TMEM132D: variants seen among roughly 807,000 people sequenced by gnomAD.
TMEM132D encodes transmembrane protein 132D, also known as mature OL transmembrane protein.
TMEM132D carries 21 observed loss-of-function variants against 62.3 expected under a neutral mutation model. That is an observed-to-expected ratio of 0.34 (90% CI 0.24 to 0.49). The LOEUF is 0.49. Among genes scored for constraint, TMEM132D ranks in the 20% least tolerant of loss-of-function variants. The pLI is 0.99. For missense variants in TMEM132D, 1,346 were observed against 1,402.8 expected (o/e 0.96, Z 0.65); for synonymous variants, 621 against 575.6 (o/e 1.08, Z -1.13).
intron 5 of TMEM132D, among the ~76,000 whole-genome samples, chr12:129,154,710 G>T (rs569376771): frequency 3.3e-4 from 50 of 152,202 alleles, no homozygotes; most frequent in African/African-American, 1.0e-3. Context: ...CAACCACTTG[G>T]TTCCTTTTCT....
chr12:129,339,092 A>G (rs1489163610), intron 3 of TMEM132D, among the ~76,000 whole-genome samples: 1 of 152,124 alleles, frequency 6.6e-6, no homozygotes, highest in Non-Finnish European at 1.5e-5. Context: ...CCAACAGGGC[A>G]AAACTCTATC....
At chr12:129,339,334 A>G (rs71464437) in intron 3 of TMEM132D, among the ~76,000 whole-genome samples, 19,990 of 149,276 alleles carry the variant, frequency 0.13, 1,742 homozygotes, top group Non-Finnish European at 0.2. Context: ...AAGAAAGAGG[A>G]GGGGAAGGAG....
At chr12:129,293,588 G>T (rs1405989495) in intron 4 of TMEM132D, among the ~76,000 whole-genome samples, 1 of 152,154 alleles carries the variant, frequency 6.6e-6, no homozygotes, top group Non-Finnish European at 1.5e-5. Context: ...AGGAGTGGGA[G>T]CCCTGAGCTT....
At chr12:129,108,350 G>T (rs773525431) in intron 5 of TMEM132D, among the ~76,000 whole-genome samples, 3 of 152,192 alleles carry the variant, frequency 2.0e-5, no homozygotes, top group Admixed American at 6.5e-5. Flanking sequence ...GATTTTGGCA[G>T]GTGGGGCCGA....
In TMEM132D at chr12:129,341,779, T is replaced by C. The variant is rs560999099; in HGVS notation, c.1116-3962A>G. On this transcript the variant is annotated intron_variant, in intron 3 of 8. Transcript: ENST00000422113. ...AATCACAAGCATTCTTATACACCAATAACAGACAAACAGAGAGCCAAATCA... is the reference window on the plus strand; with the variant it reads ...AATCACAAGCATTCTTATACACCAACAACAGACAAACAGAGAGCCAAATCA... Among the ~76,000 whole-genome samples the C allele has an allele frequency of 1.5e-3, 222 of 145,030 alleles. 1 individual carries two copies. The highest frequency in any genetic ancestry group is 5.5e-3 in the African/African-American group (217 of 39,306).
chr12:129,531,045 C>T lies in TMEM132D; in HGVS notation c.1115+14G>A. 1 of 1,603,746 alleles carries T rather than the reference C, an allele frequency of 6.2e-7. No homozygotes were observed. Among genetic ancestry groups the T allele is most frequent in the East Asian group, 2.2e-5 (1 of 44,678 alleles). On this transcript the variant is annotated intron_variant, in intron 3 of 8. Coordinates refer to ENST00000422113, the MANE Select transcript of TMEM132D (RefSeq NM_133448.3). ...CAGCTGATCTGAATATATCGGAGGC[C>T]AGTTGGGACTCACCTGTTTTCTGAG...
intron 3 of TMEM132D, among the ~76,000 whole-genome samples, chr12:129,409,816 C>A (rs116909598): frequency 1.3e-5 from 2 of 152,328 alleles, no homozygotes; most frequent in Non-Finnish European, 2.9e-5. Flanking sequence ...TACCTCTGAT[C>A]TGCATAATCT....
intron 4 of TMEM132D, among the ~76,000 whole-genome samples, chr12:129,302,116 A>ATT (rs1452852809): frequency 6.6e-5 from 10 of 152,154 alleles, no homozygotes; most frequent in Middle Eastern, 3.4e-3. Context: ...CTGCCACTTT[A>ATT]TTTTTTTATT....
intron 1 of TMEM132D, among the ~76,000 whole-genome samples, chr12:129,822,162 G>A (rs1872556125): frequency 1.3e-5 from 2 of 152,232 alleles, no homozygotes; most frequent in African/African-American, 4.8e-5. Flanking sequence ...GTCAGCCATG[G>A]AGAGGGTGAC....
chr12:129,738,404 A>G (rs1002195198), intron 1 of TMEM132D, among the ~76,000 whole-genome samples: 1 of 152,296 alleles, frequency 6.6e-6, no homozygotes, highest in East Asian at 1.9e-4. Context: ...GAAAAGGAAA[A>G]AAGGAAGAAA....
chr12:129,758,667 G>A (rs1870249964), intron 1 of TMEM132D, among the ~76,000 whole-genome samples: 1 of 152,118 alleles, frequency 6.6e-6, no homozygotes, highest in South Asian at 2.1e-4. Context: ...TATGAAATTT[G>A]GCAGCTTCTG....
At chr12:129,229,582 C>T (rs1284333909) in intron 4 of TMEM132D, among the ~76,000 whole-genome samples, 1 of 152,174 alleles carries the variant, frequency 6.6e-6, no homozygotes, top group Non-Finnish European at 1.5e-5. Flanking sequence ...ACAGAATTTT[C>T]TGTAGGCTGG....
At chr12:129,730,803 G>A (rs570483934) in intron 1 of TMEM132D, among the ~76,000 whole-genome samples, 26 of 152,062 alleles carry the variant, frequency 1.7e-4, no homozygotes, top group Admixed American at 3.9e-4. Flanking sequence ...TCTTTCTCCC[G>A]TGCTGGATGC....
intron 3 of TMEM132D, among the ~76,000 whole-genome samples, chr12:129,352,924 G>T (rs1042753019): frequency 6.6e-6 from 1 of 152,100 alleles, no homozygotes; most frequent in East Asian, 1.9e-4. Context: ...TATACCCAAA[G>T]GATTACAAAT....
At chr12:129,222,411 G>A (rs2135574158) in intron 4 of TMEM132D, among the ~76,000 whole-genome samples, 1 of 152,190 alleles carries the variant, frequency 6.6e-6, no homozygotes, top group East Asian at 1.9e-4. Flanking sequence ...TTTCCTTCAG[G>A]CAATTGTTTT....
At chr12:129,432,769 TTCTATGGAAAC>T (rs1209816881) in intron 3 of TMEM132D, among the ~76,000 whole-genome samples, 1 of 152,230 alleles carries the variant, frequency 6.6e-6, no homozygotes, top group African/African-American at 2.4e-5. Flanking sequence ...GATACATGTT[TTCTATGGAAAC>T]TTTTCTTTTT....
intron 2 of TMEM132D, among the ~76,000 whole-genome samples, chr12:129,643,316 C>G (rs1879690144): frequency 6.6e-6 from 1 of 152,176 alleles, no homozygotes. Flanking sequence ...TGACACACCA[C>G]TAGCGCAGTG....
intron 2 of TMEM132D, among the ~76,000 whole-genome samples, chr12:129,593,244 T>G (rs774333297): frequency 2.6e-4 from 39 of 152,208 alleles, no homozygotes; most frequent in Non-Finnish European, 4.7e-4. Flanking sequence ...TTTTTGTTTG[T>G]TTGGTTGGTT....
chr12:129,407,703 G>A (rs1044140283), intron 3 of TMEM132D, among the ~76,000 whole-genome samples: 38 of 151,806 alleles, frequency 2.5e-4, no homozygotes, highest in Middle Eastern at 3.4e-3. Context: ...TCAGGAGATC[G>A]AGACCATCCT....
Sources: allele counts gnomAD v4.1 joint callset (sites outside exome capture counted in the v4.1 genomes callset), GRCh38; gene constraint gnomAD v4.1.1; transcripts MANE v1.5; gene names NCBI Gene and HGNC (gene_info 2026-07-23, HGNC 2026-07-21).